Variants in NT5DC1 observed in about 807,000 individuals in gnomAD.
NT5DC1 encodes 5'-nucleotidase domain-containing protein 1.
In NT5DC1, 42 loss-of-function variants were observed where a neutral mutation model predicts 59.4. The observed-to-expected ratio is 0.71, with a 90% CI of 0.55 to 0.92. The LOEUF (loss-of-function observed/expected upper bound fraction) is 0.92, where lower values mean the gene tolerates loss of function less well. NT5DC1 is among the 40% of genes least tolerant of loss of function. NT5DC1 has a pLI of 0.00. For missense variants in NT5DC1, 501 were observed against 537.1 expected, an observed-to-expected ratio of 0.93 and a Z score of 0.66; for synonymous variants, 172 against 188.1, an observed-to-expected ratio of 0.91 and a Z score of 0.70.
At chr6:116,115,919 G>T (rs1409002653) in intron 5 of NT5DC1, 149 bp downstream of exon 5, 2 of 408,336 alleles carry the variant, frequency 4.9e-6, no homozygotes, top group South Asian at 5.8e-5. Context: ...TGGTGAATTT[G>T]GTTCAAATAT....
intron 5 of NT5DC1, 32 bp downstream of exon 5, chr6:116,115,802 T>C: frequency 2.8e-6 from 3 of 1,077,406 alleles, no homozygotes; most frequent in Non-Finnish European, 4.3e-6. Context: ...AAAACTATGA[T>C]ATGTAGTCAG....
rs1693687423 is a variant in NT5DC1, at chr6:116,247,345, A to G, written c.*3321A>G. 1 of 152,202 alleles carries G rather than the reference A, an allele frequency of 6.6e-6. No individual in the cohort carries two copies. The highest frequency in any genetic ancestry group is 1.5e-5 in the Non-Finnish European group (1 of 68,014). 9.4% of individuals were successfully genotyped at this position (152,202 alleles called of 1,614,324 possible). ...GAGATCCAAGAATCAGGAGTCCTAAAGCATATAATGAGTCTGTTCCTCTTG... is the reference window on the plus strand; with the variant it reads ...GAGATCCAAGAATCAGGAGTCCTAAGGCATATAATGAGTCTGTTCCTCTTG... On this transcript the variant is annotated 3_prime_UTR_variant, in exon 12 of 12. Coordinates refer to ENST00000319550, the MANE Select transcript of NT5DC1 (RefSeq NM_152729.3).
chr6:116,196,080 C>G (rs772079077), intron 6 of NT5DC1, among the ~76,000 whole-genome samples: 8 of 151,792 alleles, frequency 5.3e-5, no homozygotes, highest in Non-Finnish European at 1.0e-4. Flanking sequence ...TTCTGTTATC[C>G]CTGACATTCT....
At chr6:116,162,265 A>G (rs1780353794) in intron 6 of NT5DC1, among the ~76,000 whole-genome samples, 2 of 152,212 alleles carry the variant, frequency 1.3e-5, no homozygotes, top group African/African-American at 4.8e-5. Flanking sequence ...GGATGCCTTT[A>G]ATTTCTTTCT....
chr6:116,151,097 A>G (rs1485136635), intron 6 of NT5DC1, among the ~76,000 whole-genome samples: 1 of 152,062 alleles, frequency 6.6e-6, no homozygotes, highest in African/African-American at 2.4e-5. Flanking sequence ...CTCAGGGATT[A>G]GAATTTGCAG....
intron 8 of NT5DC1, among the ~76,000 whole-genome samples, chr6:116,227,313 T>A (rs1781929273): frequency 6.6e-6 from 1 of 152,212 alleles, no homozygotes; most frequent in South Asian, 2.1e-4. Flanking sequence ...TTCTTTCTTG[T>A]TAAGGTCAAA....
intron 2 of NT5DC1, among the ~76,000 whole-genome samples, chr6:116,106,962 G>A (rs1450872001): frequency 6.6e-6 from 1 of 152,060 alleles, no homozygotes. Flanking sequence ...AGGCTGAGGT[G>A]GGCAGATTGC....
chr6:116,164,776 GT>G, intron 6 of NT5DC1, among the ~76,000 whole-genome samples: 1 of 152,168 alleles, frequency 6.6e-6, no homozygotes, highest in East Asian at 1.9e-4. Context: ...CTTAGCATTT[GT>G]TTGTTTGGGA....
rs192375652 is a variant in NT5DC1, at chr6:116,237,114, T to A, written c.921+30T>A. On this transcript the variant is annotated intron_variant, in intron 9 of 11. Coordinates refer to ENST00000319550, the MANE Select transcript of NT5DC1 (RefSeq NM_152729.3). ...TTCCCAGTTGAGGAGAAGTCCTCAG[T>A]GCCCACTTGCAGACATAAGCAGTTG... 7 of 1,219,708 alleles carry A rather than the reference T, an allele frequency of 5.7e-6. No homozygotes were observed. The East Asian group carries it at 1.6e-4, about 28-fold the overall frequency. The allele number at this position is 1,219,708 out of a possible 1,614,324, so 75.6% of individuals were successfully genotyped here. A position where few individuals can be genotyped will look rare whatever the true frequency, so the allele number is the denominator to read the frequency against.
At chr6:116,223,889 A>C (rs1781858550) in intron 8 of NT5DC1, among the ~76,000 whole-genome samples, 1 of 152,238 alleles carries the variant, frequency 6.6e-6, no homozygotes, top group African/African-American at 2.4e-5. Flanking sequence ...AATGGTTGCA[A>C]ATGCACATAA....
At chr6:116,229,465 CAG>C (rs1160612830) in intron 8 of NT5DC1, among the ~76,000 whole-genome samples, 2 of 152,182 alleles carry the variant, frequency 1.3e-5, no homozygotes, top group Non-Finnish European at 2.9e-5. Context: ...GTCATGGTAA[CAG>C]GGGCAAAGAT....
At chr6:116,237,167 CT>C (rs1359320468) in intron 9 of NT5DC1, 83 bp downstream of exon 9, 1 of 778,708 alleles carries the variant, frequency 1.3e-6, no homozygotes, top group African/African-American at 1.7e-5. Context: ...CCTCTTAATT[CT>C]TCTGCTTAAA....
chr6:116,191,865 C>T (rs929519266), intron 6 of NT5DC1, among the ~76,000 whole-genome samples: 2 of 151,996 alleles, frequency 1.3e-5, no homozygotes, highest in East Asian at 1.9e-4. Context: ...TTAATGTCCC[C>T]ACCAACAAGG....
intron 6 of NT5DC1, among the ~76,000 whole-genome samples, chr6:116,134,250 T>C (rs1421228526): frequency 6.6e-6 from 1 of 152,130 alleles, no homozygotes; most frequent in Non-Finnish European, 1.5e-5. Flanking sequence ...TGTATACCAG[T>C]TGCCAGGTTG....
rs1008598216 is a variant in NT5DC1, at chr6:116,100,899, C to A, written c.-32C>A. Reference sequence around the variant, plus strand: ...AGCCAGCTCCTTGCACCCTTCGCGGCCGAGGCGCTCCCTGGTGCTCCCCGC... The same window carrying A: ...AGCCAGCTCCTTGCACCCTTCGCGGACGAGGCGCTCCCTGGTGCTCCCCGC... On this transcript the variant is annotated 5_prime_UTR_variant, in exon 1 of 12. Transcript: ENST00000319550. 5.1e-6 allele frequency: 8 copies of A among 1,558,008 alleles called. No individual in the cohort carries two copies. The Admixed American group carries it at 7.0e-5, about 14-fold the overall frequency.
rs149971741 is a variant in NT5DC1 at position 116,235,360 on chromosome 6, A to G, written c.803-1606A>G. On this transcript the variant is annotated intron_variant, in intron 8 of 11. Transcript: ENST00000319550. The stretch of plus-strand genomic sequence containing the variant: ...TAGACCCTTTTAATGTTAGGCTAGT[A>G]CATGATTTTGGCTTCCTATCTATTC... Among the ~76,000 whole-genome samples, 1,336 of 152,340 alleles carry G rather than the reference A, an allele frequency of 8.8e-3. 11 individuals are homozygous for G. Among genetic ancestry groups the G allele is most frequent in the Non-Finnish European group, 0.014 (933 of 68,022 alleles).
At position 116,244,093 on chromosome 6, in the gene NT5DC1, T is replaced by C; in HGVS notation, c.*69T>C. ...TAAAAAAAAGTTAATTTTCAAAAAA[T>C]ACTGTAAAAGACTTTAAGGAACAAG... On this transcript the variant is annotated 3_prime_UTR_variant, in exon 12 of 12. Coordinates refer to ENST00000319550, the MANE Select transcript of NT5DC1 (RefSeq NM_152729.3). The C allele has an allele frequency of 1.7e-6, 1 of 599,258 alleles. No homozygotes were observed. The highest frequency in any genetic ancestry group is 3.0e-6 in the Non-Finnish European group (1 of 338,308). The allele number at this position is 599,258 out of a possible 1,614,324, so 37.1% of individuals were successfully genotyped here.
Position 116,246,663 on chromosome 6 carries a change from A to G in NT5DC1, c.*2639A>G, listed in dbSNP as rs905624077. 10 of 152,168 alleles carry G rather than the reference A, an allele frequency of 6.6e-5. No individual in the cohort carries two copies. Among genetic ancestry groups the G allele is most frequent in the Non-Finnish European group, 1.5e-4 (10 of 67,992 alleles). 9.4% of individuals were successfully genotyped at this position (152,168 alleles called of 1,614,324 possible). ...TTCAGTGTTGGAGTAACAGTCCCTT[A>G]CATCTTTTCAGCCTCTTGAGTACAA... On this transcript the variant is annotated 3_prime_UTR_variant, in exon 12 of 12. Transcript: ENST00000319550.
intron 4 of NT5DC1, 106 bp downstream of exon 4, chr6:116,111,062 A>G: frequency 2.7e-6 from 2 of 735,068 alleles, no homozygotes; most frequent in Admixed American, 2.5e-5. Context: ...GCTGGGCAGG[A>G]TGCCAAAGGG....
Sources: allele counts gnomAD v4.1 joint callset (sites outside exome capture counted in the v4.1 genomes callset), GRCh38; gene constraint gnomAD v4.1.1; transcripts MANE v1.5; gene names NCBI Gene and HGNC (gene_info 2026-07-23, HGNC 2026-07-21).